The following GNE variants were observed in gnomAD, a reference collection of about 807,000 sequenced individuals.
GNE encodes bifunctional UDP-N-acetylglucosamine 2-epimerase/N-acetylmannosamine kinase.
A neutral mutation model predicts 61.8 loss-of-function variants in GNE; 41 were observed. That is an observed-to-expected ratio of 0.66 (90% CI 0.52 to 0.86). GNE has a LOEUF of 0.86. Ranked by LOEUF, GNE falls within the 40% of genes least tolerant of loss-of-function variation. The pLI, the probability that GNE is intolerant of heterozygous loss-of-function variation, is 0.00. For missense variants in GNE, 608 were observed against 909.1 expected (o/e 0.67, Z 4.26); for synonymous variants, 264 against 326.4 (o/e 0.81, Z 2.06).
chr9:36,220,923 T>C (rs1178703525), intron 9 of GNE, among the ~76,000 whole-genome samples: 1 of 152,248 alleles, frequency 6.6e-6, no homozygotes, highest in Non-Finnish European at 1.5e-5. Context: ...CCTCAACCCC[T>C]AGCCCTCTGA....
At chr9:36,233,772 G>T (rs554998471) in intron 5 of GNE, 148 bp downstream of exon 5, 1 of 757,822 alleles carries the variant, frequency 1.3e-6, no homozygotes, top group East Asian at 2.4e-5. Flanking sequence ...GCTATTTATC[G>T]ACTATAGATT....
upstream of GNE, among the ~76,000 whole-genome samples, chr9:36,260,295 A>AAAAAG (rs1554666243): frequency 6.7e-6 from 1 of 149,624 alleles, no homozygotes; most frequent in East Asian, 1.9e-4. Flanking sequence ...AAAAAAAAAA[A>AAAAAG]AAAGAAAGAA....
chr9:36,227,549 C>T, intron 6 of GNE, 91 bp from the exon 7 acceptor site: 1 of 840,400 alleles, frequency 1.2e-6, no homozygotes. Flanking sequence ...ACTGAGACTT[C>T]AGGTAAAAAT....
intron 1 of GNE, among the ~76,000 whole-genome samples, chr9:36,257,412 G>C (rs1342902216): frequency 2.6e-5 from 4 of 152,090 alleles, no homozygotes; most frequent in South Asian, 2.1e-4. Flanking sequence ...CCTACAGTTG[G>C]GTTAACGAGT....
intron 5 of GNE, among the ~76,000 whole-genome samples, chr9:36,232,179 C>T (rs1036131268): frequency 5.9e-5 from 9 of 151,970 alleles, no homozygotes; most frequent in Non-Finnish European, 1.2e-4. Context: ...TTGTTGATTC[C>T]TTTCACCTCC....
At chr9:36,232,328 GCCC>G (rs760845521) in intron 5 of GNE, among the ~76,000 whole-genome samples, 1 of 118,380 alleles carries the variant, frequency 8.4e-6, no homozygotes, top group African/African-American at 3.2e-5. Context: ...TTTTATTCTT[GCCC>G]CCCCGCCCCC....
At chr9:36,260,958 G>A (rs1351620298), upstream of GNE, among the ~76,000 whole-genome samples, 1 of 150,934 alleles carries the variant, frequency 6.6e-6, no homozygotes, top group Non-Finnish European at 1.5e-5. Flanking sequence ...GGGTTTCAAG[G>A]GACCAAAATC....
chr9:36,232,339 C>T (rs1829204987), intron 5 of GNE, among the ~76,000 whole-genome samples: 1 of 106,372 alleles, frequency 9.4e-6, no homozygotes, highest in African/African-American at 4.0e-5. Flanking sequence ...CCCCCCCGCC[C>T]CCCCTCCCGA....
intron 3 of GNE, 90 bp from the exon 4 acceptor site, chr9:36,237,074 G>A (rs1829426614): frequency 2.9e-6 from 3 of 1,043,936 alleles, no homozygotes; most frequent in Non-Finnish European, 4.4e-6. Context: ...CTCTAAGTCT[G>A]TGCTTTTAAA....
rs746561554 is a variant in GNE at position 36,218,170 on chromosome 9, G to A, written c.1933+13C>T. On this transcript the variant is annotated intron_variant, in intron 11 of 11. Transcript: ENST00000642385. This position sits in a 1 kb window ranked among gnomAD's most constrained non-coding sequence, Gnocchi z 4.1. ...ACCCCCTGCAGCACAGCCACCTGCAGCCACATGCTCACCTGTTCTTAGGAT... is the reference window on the plus strand; with the variant it reads ...ACCCCCTGCAGCACAGCCACCTGCAACCACATGCTCACCTGTTCTTAGGAT... 3.2e-6 allele frequency: 5 copies of A among 1,578,870 alleles called. No homozygotes were observed. The highest frequency in any genetic ancestry group is 4.4e-6 in the Non-Finnish European group (5 of 1,147,886).
chr9:36,266,700 G>T (rs1431674767), intron 1 of GNE, among the ~76,000 whole-genome samples: 2 of 152,200 alleles, frequency 1.3e-5, no homozygotes, highest in Non-Finnish European at 2.9e-5. Flanking sequence ...ACAAGGTCAG[G>T]AGATCGAGAC....
intron 2 of GNE, 28 bp downstream of exon 2, chr9:36,249,164 G>A (rs753210883): frequency 6.4e-7 from 1 of 1,570,526 alleles, no homozygotes; most frequent in South Asian, 1.1e-5. Flanking sequence ...CTGTTGCAAT[G>A]AAGAATAAGA....
At chr9:36,269,240 T>C (rs1228494904) in intron 1 of GNE, among the ~76,000 whole-genome samples, 1 of 151,952 alleles carries the variant, frequency 6.6e-6, no homozygotes, top group Non-Finnish European at 1.5e-5. Flanking sequence ...TTCAAATTAT[T>C]TGTTTTTTGT....
chr9:36,219,574 G>T (rs1461487956), intron 10 of GNE, among the ~76,000 whole-genome samples: 2 of 152,132 alleles, frequency 1.3e-5, no homozygotes, highest in African/African-American at 4.8e-5. Context: ...TGTGATACTG[G>T]CTGAGAAAAC....
At chr9:36,271,749 A>C (rs1831036458) in intron 1 of GNE, among the ~76,000 whole-genome samples, 1 of 152,220 alleles carries the variant, frequency 6.6e-6, no homozygotes, top group South Asian at 2.1e-4. Context: ...CTGTAATATT[A>C]GACATCTGAT....
upstream of GNE, among the ~76,000 whole-genome samples, chr9:36,260,664 T>A (rs1263489145): frequency 6.6e-6 from 1 of 151,774 alleles, no homozygotes; most frequent in Non-Finnish European, 1.5e-5. Context: ...GGTGAGGAGA[T>A]CGAGACCATC....
chr9:36,274,973 C>T (rs548190683), intron 1 of GNE, among the ~76,000 whole-genome samples: 6 of 152,324 alleles, frequency 3.9e-5, no homozygotes, highest in African/African-American at 1.2e-4. Flanking sequence ...ATCCGCCGGA[C>T]TCGGCCTCCC....
intron 4 of GNE, among the ~76,000 whole-genome samples, chr9:36,235,115 A>C (rs567119779): frequency 1.3e-5 from 2 of 152,166 alleles, no homozygotes; most frequent in African/African-American, 4.8e-5. Flanking sequence ...CCAAAATCCA[A>C]CTGCTCCAAT....
At chr9:36,233,803 A>T in intron 5 of GNE, 117 bp downstream of exon 5, 1 of 832,054 alleles carries the variant, frequency 1.2e-6, no homozygotes, top group Non-Finnish European at 2.1e-6. Flanking sequence ...ACTGGTTATT[A>T]ACCTCATTCA....
Sources: allele counts gnomAD v4.1 joint callset (sites outside exome capture counted in the v4.1 genomes callset), GRCh38; gene constraint gnomAD v4.1.1; non-coding constraint Gnocchi (gnomAD v3.1); transcripts MANE v1.5; gene names NCBI Gene and HGNC (gene_info 2026-07-23, HGNC 2026-07-21).